The following SCN1A variants were observed in gnomAD, a reference collection of about 807,000 sequenced individuals.
SCN1A encodes sodium channel protein type 1 subunit alpha.
A neutral mutation model predicts 193.7 loss-of-function variants in SCN1A; 13 were observed. The ratio of observed to expected loss-of-function variants is 0.07; its 90% CI spans 0.04 to 0.11. The LOEUF is 0.11. Among genes scored for constraint, SCN1A ranks in the 10% least tolerant of loss-of-function variants. The pLI is 1.00. For synonymous variants in SCN1A, 781 were observed against 843.6 expected (o/e 0.93, Z 1.29); for missense variants, 1,432 against 2,451.1 (o/e 0.58, Z 8.78).
chr2:166,045,459 T>G (rs1373717098), intron 12 of SCN1A, 132 bp from the exon 13 acceptor site: 2 of 1,061,170 alleles, frequency 1.9e-6, no homozygotes, highest in Non-Finnish European at 1.4e-6. Flanking sequence ...GAGAAGATTC[T>G]CTGCAAGTAT....
At position 166,073,436 on chromosome 2, in the gene SCN1A, T is replaced by A. The variant is rs1444223009; in HGVS notation, c.186A>T (p.Pro62=). 1 of 1,614,200 alleles carries A rather than the reference T, an allele frequency of 6.2e-7. No homozygotes were observed. The highest frequency in any genetic ancestry group is 8.5e-7 in the Non-Finnish European group (1 of 1,180,018). ...CTGGAGGAATGTCTCCATAAATAAA[T>A]GGAAGGTTCTTTCCAGCTTCCAAGT... ...NSDLEAGKNL[P]FIYGDIPPEM... is the part of the protein sequence containing the mutation. Residue 62 remains proline (P), a synonymous_variant, in exon 4 of 29, where the codon CCA becomes CCT. Coordinates refer to ENST00000674923, the MANE Select transcript of SCN1A (RefSeq NM_001165963.4).
intron 4 of SCN1A, 32 bp from the exon 5 acceptor site, chr2:166,058,720 A>G (rs1368615468): frequency 2.4e-6 from 3 of 1,226,582 alleles, no homozygotes; most frequent in East Asian, 2.3e-5. Context: ...TAGAAGTATG[A>G]AAGTATAAAC....
intron 2 of SCN1A, among the ~76,000 whole-genome samples, chr2:166,110,479 C>A (rs942881060): frequency 6.6e-6 from 1 of 152,162 alleles, no homozygotes; most frequent in Non-Finnish European, 1.5e-5. Flanking sequence ...AAAGATTGAA[C>A]CAGCCATAAC....
chr2:166,031,855 T>C (rs1355885584), intron 19 of SCN1A, among the ~76,000 whole-genome samples: 1 of 152,138 alleles, frequency 6.6e-6, no homozygotes, highest in African/African-American at 2.4e-5. Context: ...GATTATTAGA[T>C]AGGTAAAGTC....
rs2105401864 is a variant in SCN1A, at chr2:165,987,448, G to A, written c.*3797C>T. On this transcript the variant is annotated 3_prime_UTR_variant, in exon 29 of 29. Transcript: ENST00000674923. ...TAATACTCATTGATGATTCTTGTAT[G>A]AATCAATTGTCATTAGGGTGATTGC... 6.6e-6 allele frequency: 1 copy of A among 152,198 alleles called. No homozygotes were observed. The highest frequency in any genetic ancestry group is 2.4e-5 in the African/African-American group (1 of 41,538). The allele number at this position is 152,198 out of a possible 1,614,324, so 9.4% of individuals were successfully genotyped here.
rs1462589860 is a variant in SCN1A at position 166,036,034 on chromosome 2, C to G, written c.3429+14G>C. 6 of 1,612,478 alleles carry G rather than the reference C, an allele frequency of 3.7e-6. No homozygotes were observed. Among genetic ancestry groups the G allele is most frequent in the Non-Finnish European group, 5.1e-6 (6 of 1,179,246 alleles). On this transcript the variant is annotated intron_variant, in intron 19 of 28. Transcript: ENST00000674923. Reference sequence around the variant, plus strand: ...TATATGTATTCATACCTTCCCACACCTATAGAATCTTACCTCTTTGCTTTC... The same window carrying G: ...TATATGTATTCATACCTTCCCACACGTATAGAATCTTACCTCTTTGCTTTC...
At chr2:166,027,967 T>G (rs1302614141) in intron 19 of SCN1A, among the ~76,000 whole-genome samples, 1 of 152,172 alleles carries the variant, frequency 6.6e-6, no homozygotes, top group African/African-American at 2.4e-5. Context: ...ATTAACTCAT[T>G]AATTCCCACA....
upstream of SCN1A, among the ~76,000 whole-genome samples, chr2:166,131,831 A>G (rs1183349164): frequency 2.0e-5 from 3 of 152,208 alleles, no homozygotes; most frequent in Non-Finnish European, 4.4e-5. Context: ...AATTAACTTT[A>G]TGCCTGCCAA....
intron 19 of SCN1A, among the ~76,000 whole-genome samples, chr2:166,031,270 T>C (rs534565073): frequency 1.1e-4 from 16 of 152,188 alleles, no homozygotes; most frequent in South Asian, 2.1e-4. Flanking sequence ...GCAAAATAAA[T>C]ATGAGGTTCC....
chr2:166,057,356 A>G (rs1446922536), intron 5 of SCN1A, among the ~76,000 whole-genome samples: 2 of 151,976 alleles, frequency 1.3e-5, no homozygotes. Context: ...GAATTATAAA[A>G]CTGAAAGGGA....
intron 4 of SCN1A, among the ~76,000 whole-genome samples, chr2:166,069,551 C>G (rs1279427962): frequency 6.6e-6 from 1 of 152,178 alleles, no homozygotes; most frequent in East Asian, 1.9e-4. Context: ...TAAAAGATTA[C>G]AGAGAGCTTC....
chr2:166,092,168 A>G (rs2106088592), intron 2 of SCN1A, among the ~76,000 whole-genome samples: 1 of 152,192 alleles, frequency 6.6e-6, no homozygotes, highest in East Asian at 1.9e-4. Context: ...TCTAGTAGAG[A>G]CTACACTTTG....
chr2:166,067,332 T>C (rs1683945917), intron 4 of SCN1A, among the ~76,000 whole-genome samples: 1 of 152,112 alleles, frequency 6.6e-6, no homozygotes, highest in South Asian at 2.1e-4. Context: ...AGGCAGGAAA[T>C]GGCCAAGTGT....
chr2:166,080,584 A>T (rs1685408288), intron 2 of SCN1A, among the ~76,000 whole-genome samples: 1 of 151,830 alleles, frequency 6.6e-6, no homozygotes, highest in South Asian at 2.1e-4. Flanking sequence ...GACAAGAAAA[A>T]TACATTAAAA....
intron 1 of SCN1A, among the ~76,000 whole-genome samples, chr2:166,135,113 G>T (rs568617340): frequency 6.0e-4 from 91 of 151,692 alleles, no homozygotes; most frequent in African/African-American, 2.1e-3. Flanking sequence ...CCTACCCCCC[G>T]ACATCCCTTG....
At chr2:166,141,354 T>A (rs970869888) in intron 1 of SCN1A, among the ~76,000 whole-genome samples, 1 of 152,162 alleles carries the variant, frequency 6.6e-6, no homozygotes, top group African/African-American at 2.4e-5. Flanking sequence ...TATCCAAGCA[T>A]CTGAAATATA....
chr2:165,997,480 A>G (rs900024283), intron 26 of SCN1A, among the ~76,000 whole-genome samples: 1 of 151,352 alleles, frequency 6.6e-6, no homozygotes, highest in Non-Finnish European at 1.5e-5. Context: ...GGACAATCAA[A>G]TGAGCCTTAT....
In SCN1A at chr2:165,992,424, T is replaced by TA. The variant is rs1553520532; in HGVS notation, c.4853-3dup. The TA allele has an allele frequency of 1.2e-6, 2 of 1,613,112 alleles. No homozygotes were observed. The highest frequency in any genetic ancestry group is 2.7e-5 in the African/African-American group (2 of 74,790). On this transcript the variant is annotated splice_region_variant and splice_polypyrimidine_tract_variant and intron_variant, in intron 28 of 28. Coordinates refer to ENST00000674923, the MANE Select transcript of SCN1A (RefSeq NM_001165963.4). The surrounding 1 kb of genome is among the most constrained non-coding windows in gnomAD (Gnocchi z 6.5). Reference sequence around the variant, plus strand: ...CTATCAGCTCGGCAAGAAACATACCTATGAATAAACAATGAGAATACCAAC... The same window carrying TA: ...CTATCAGCTCGGCAAGAAACATACCTAATGAATAAACAATGAGAATACCAAC...
chr2:165,985,281 G>C (rs1474298440), downstream of SCN1A: 1 of 150,578 alleles, frequency 6.6e-6, no homozygotes, highest in Non-Finnish European at 1.5e-5. Flanking sequence ...AGGAAGGAAG[G>C]AGAGGGAGAG....
Sources: allele counts gnomAD v4.1 joint callset (sites outside exome capture counted in the v4.1 genomes callset), GRCh38; gene constraint gnomAD v4.1.1; non-coding constraint Gnocchi (gnomAD v3.1); transcripts MANE v1.5; gene names NCBI Gene and HGNC (gene_info 2026-07-23, HGNC 2026-07-21).